The following BRWD1 variants were observed in gnomAD, a reference collection of about 807,000 sequenced individuals.
The protein encoded by BRWD1 is bromodomain and WD repeat-containing protein 1.
A neutral mutation model predicts 251.2 loss-of-function variants in BRWD1; 82 were observed. The ratio of observed to expected loss-of-function variants is 0.33; its 90% CI spans 0.27 to 0.39. The LOEUF is 0.39. Among genes scored for constraint, BRWD1 ranks in the 10% least tolerant of loss-of-function variants. BRWD1 has a pLI of 1.00. For synonymous variants in BRWD1, 918 were observed against 902.8 expected, an observed-to-expected ratio of 1.02 and a Z score of -0.30; for missense variants, 2,233 against 2,711.6, an observed-to-expected ratio of 0.82 and a Z score of 3.92.
intron 8 of BRWD1, among the ~76,000 whole-genome samples, chr21:39,286,015 A>ATTTTTTTTT (rs1568953276): frequency 1.1e-4 from 3 of 26,736 alleles, no homozygotes; most frequent in African/African-American, 2.0e-4. Flanking sequence ...CACCATATGA[A>ATTTTTTTTT]CTTTTTTTTT....
chr21:39,283,060 T>A (rs1237815028), intron 8 of BRWD1, among the ~76,000 whole-genome samples: 1 of 152,182 alleles, frequency 6.6e-6, no homozygotes, highest in African/African-American at 2.4e-5. Context: ...AAGCAATTTG[T>A]AGCTATTTCT....
intron 32 of BRWD1, among the ~76,000 whole-genome samples, chr21:39,213,933 T>C (rs937815349): frequency 2.0e-5 from 3 of 150,374 alleles, no homozygotes; most frequent in Non-Finnish European, 4.4e-5. Flanking sequence ...TATACATATA[T>C]ATATAAGGGA....
chr21:39,314,272 G>C (rs755882168), upstream of BRWD1: 1 of 455,966 alleles, frequency 2.2e-6, no homozygotes, highest in South Asian at 1.5e-5. Context: ...CTGCGGCGCT[G>C]AAGGCTGCCG....
intron 37 of BRWD1, among the ~76,000 whole-genome samples, chr21:39,204,488 A>C (rs900224872): frequency 6.6e-6 from 1 of 152,230 alleles, no homozygotes; most frequent in Non-Finnish European, 1.5e-5. Context: ...TTAATATACA[A>C]TTACTGAGAA....
chr21:39,280,279 C>G (rs370393352), intron 8 of BRWD1, 31 bp from the exon 9 acceptor site: 104 of 1,508,158 alleles, frequency 6.9e-5, no homozygotes, highest in Non-Finnish European at 8.8e-5. Flanking sequence ...AATTCAGTTT[C>G]CAGAACTTCT....
intron 12 of BRWD1, 36 bp downstream of exon 12, chr21:39,276,134 CTAA>C: frequency 6.4e-7 from 1 of 1,556,468 alleles, no homozygotes; most frequent in Non-Finnish European, 8.8e-7. Context: ...TTATATTTGC[CTAA>C]TAACACACAC....
Position 39,196,664 on chromosome 21 carries a change from C to G in BRWD1, c.6405G>C (p.Leu2135Phe). ...TTGTTTCAGAGATTTTCACATTTTC[C>G]AATTCAGGATGCGATCTCTTCCTTT... The part of the protein sequence containing the change: ...EVKRKRSHPE[L>F]ENVKISETTG... The change falls in exon 41 of 41, where the codon TTG (leucine) becomes TTC (phenylalanine). Residue 2135 changes from leucine to phenylalanine, a missense_variant. Physicochemically the swap from Leu to Phe is conservative, Grantham distance 22. Around this residue, in one of 12 missense-constraint regions of BRWD1, gnomAD observed 928 missense variants for 970.0 expected, o/e 0.96. Coordinates refer to ENST00000342449, the MANE Select transcript of BRWD1 (RefSeq NM_033656.4). 1.9e-6 allele frequency: 3 copies of G among 1,613,806 alleles called. No individual in the cohort carries two copies. The highest frequency in any genetic ancestry group is 2.5e-6 in the Non-Finnish European group (3 of 1,179,856).
chr21:39,285,244 G>A (rs574253193), intron 8 of BRWD1, among the ~76,000 whole-genome samples: 9 of 152,268 alleles, frequency 5.9e-5, no homozygotes, highest in Admixed American at 4.6e-4. Flanking sequence ...CAAACACTGT[G>A]TAATTTCACC....
rs1289293492 is a variant in BRWD1, at chr21:39,195,547, G to A, written c.*712C>T. 2 of 984,584 alleles carry A rather than the reference G, an allele frequency of 2.0e-6. No individual in the cohort carries two copies. Among genetic ancestry groups the A allele is most frequent in the African/African-American group, 1.7e-5 (1 of 57,186 alleles). The allele number at this position is 984,584 out of a possible 1,614,324, so 61.0% of individuals were successfully genotyped here. ...ATGCTCTGACTATGCTCTGGTCCTA[G>A]AGGTTTAAAACATGCACTCAAATCA... On this transcript the variant is annotated 3_prime_UTR_variant, in exon 41 of 41. Coordinates refer to ENST00000342449, the MANE Select transcript of BRWD1 (RefSeq NM_033656.4).
chr21:39,281,887 T>C (rs957237545), intron 8 of BRWD1, among the ~76,000 whole-genome samples: 5 of 59,816 alleles, frequency 8.4e-5, no homozygotes, highest in Non-Finnish European at 1.3e-4. Flanking sequence ...AAAATATATA[T>C]ATATATGTAT....
In BRWD1 at chr21:39,190,292, CTG is replaced by C. The variant is rs2031484511; in HGVS notation, c.*5965_*5966del. 1 of 984,564 alleles carries C rather than the reference CTG, an allele frequency of 1.0e-6. No individual in the cohort carries two copies. Among genetic ancestry groups the C allele is most frequent in the African/African-American group, 1.7e-5 (1 of 57,160 alleles). 61.0% of individuals were successfully genotyped at this position (984,564 alleles called of 1,614,324 possible). On this transcript the variant is annotated 3_prime_UTR_variant, in exon 41 of 41. Transcript: ENST00000342449. ...CTGCACAATATTTCATCATACAAAACTGTTTTCCTAAATTCAAAGTAAACTGC... is the reference window on the plus strand; with the variant it reads ...CTGCACAATATTTCATCATACAAAACTTTTCCTAAATTCAAAGTAAACTGC...
At chr21:39,204,718 G>A (rs1568863841) in intron 37 of BRWD1, among the ~76,000 whole-genome samples, 1 of 152,198 alleles carries the variant, frequency 6.6e-6, no homozygotes. Context: ...GGGCCAGTGA[G>A]TGGGCAGAGT....
intron 21 of BRWD1, among the ~76,000 whole-genome samples, chr21:39,240,260 G>A (rs1233221129): frequency 6.6e-6 from 1 of 152,160 alleles, no homozygotes; most frequent in Non-Finnish European, 1.5e-5. Context: ...TGAACAGATG[G>A]AGCACAGAGG....
chr21:39,253,862 T>G (rs1305412703), intron 19 of BRWD1, among the ~76,000 whole-genome samples: 2 of 152,192 alleles, frequency 1.3e-5, no homozygotes, highest in East Asian at 3.8e-4. Flanking sequence ...TTTCAATAAC[T>G]CAAATCAGTA....
Position 39,313,625 on chromosome 21 carries a change from C to T in BRWD1, c.-134G>A, listed in dbSNP as rs2146824015. The T allele has an allele frequency of 3.0e-6, 2 of 673,378 alleles. No homozygotes were observed. The highest frequency in any genetic ancestry group is 4.0e-5 in the East Asian group (1 of 25,110). The allele number at this position is 673,378 out of a possible 1,614,324, so 41.7% of individuals were successfully genotyped here. A position where few individuals can be genotyped will look rare whatever the true frequency, so the allele number is the denominator to read the frequency against. On this transcript the variant is annotated 5_prime_UTR_variant, in exon 1 of 41. Transcript: ENST00000342449. ...GCCGCCGCCGCCGCCATACCGTGCG[C>T]GCCGCCTGGACCGACGCCTCCGCGG...
At chr21:39,222,409 A>G (rs969321213) in intron 29 of BRWD1, among the ~76,000 whole-genome samples, 1 of 152,170 alleles carries the variant, frequency 6.6e-6, no homozygotes, top group Admixed American at 6.5e-5. Context: ...CCCCTGAAAA[A>G]CTGCCTGATT....
intron 29 of BRWD1, among the ~76,000 whole-genome samples, chr21:39,220,942 G>C (rs1177601981): frequency 1.3e-5 from 2 of 152,072 alleles, no homozygotes; most frequent in African/African-American, 4.8e-5. Context: ...GGGATCACTT[G>C]AGGTCAGGAA....
chr21:39,255,412 C>CG (rs1405005269), intron 19 of BRWD1, among the ~76,000 whole-genome samples: 1 of 147,726 alleles, frequency 6.8e-6, no homozygotes, highest in Admixed American at 6.8e-5. Flanking sequence ...AACTCCGTCT[C>CG]GAAAAAAAAA....
intron 4 of BRWD1, among the ~76,000 whole-genome samples, chr21:39,309,264 CAT>C (rs1228927211): frequency 6.8e-6 from 1 of 147,482 alleles, no homozygotes; most frequent in Non-Finnish European, 1.5e-5. Context: ...GCCTGGACAA[CAT>C]AGCGAGTCTT....
Sources: allele counts gnomAD v4.1 joint callset (sites outside exome capture counted in the v4.1 genomes callset), GRCh38; gene constraint gnomAD v4.1.1; regional missense constraint gnomAD v4.1.1; transcripts MANE v1.5; gene names NCBI Gene and HGNC (gene_info 2026-07-23, HGNC 2026-07-21).